Variants in XPNPEP1 observed in about 807,000 individuals in gnomAD.
The protein encoded by XPNPEP1 is xaa-Pro aminopeptidase 1.
Under a neutral mutation model 92.4 loss-of-function variants are expected in XPNPEP1, and 39 were observed. The observed-to-expected ratio is 0.42, with a 90% CI of 0.33 to 0.55. XPNPEP1 has a LOEUF of 0.55. Among genes scored for constraint, XPNPEP1 ranks in the 20% least tolerant of loss-of-function variants. The pLI is 0.08. For missense variants in XPNPEP1, 654 were observed against 856.1 expected (o/e 0.76, Z 2.95); for synonymous variants, 307 against 299.4 (o/e 1.03, Z -0.26).
intron 15 of XPNPEP1, among the ~76,000 whole-genome samples, chr10:109,873,988 G>C (rs905312793): frequency 1.3e-5 from 2 of 152,148 alleles, no homozygotes; most frequent in African/African-American, 2.4e-5. Context: ...GGAAAAGGGG[G>C]TAGTGACCGC....
At chr10:109,886,510 C>A (rs1047714691) in intron 7 of XPNPEP1, among the ~76,000 whole-genome samples, 169 bp from the exon 8 acceptor site, 3 of 152,218 alleles carry the variant, frequency 2.0e-5, no homozygotes, top group Non-Finnish European at 4.4e-5. Flanking sequence ...AGTGTCCAAG[C>A]CACTTGACTG....
intron 3 of XPNPEP1, among the ~76,000 whole-genome samples, chr10:109,899,147 T>A (rs1343676551): frequency 6.6e-6 from 1 of 152,060 alleles, no homozygotes; most frequent in Non-Finnish European, 1.5e-5. Context: ...CAAGTCAGGG[T>A]ATGTGGGAAA....
intron 7 of XPNPEP1, 114 bp from the exon 8 acceptor site, chr10:109,886,455 G>T (rs1231005601): frequency 4.2e-6 from 4 of 962,628 alleles, no homozygotes; most frequent in Non-Finnish European, 6.3e-6. Context: ...ACAGGAGCAC[G>T]CTACTTAAAC....
At chr10:109,915,497 ATT>A (rs896139284) in intron 1 of XPNPEP1, among the ~76,000 whole-genome samples, 2 of 151,010 alleles carry the variant, frequency 1.3e-5, no homozygotes, top group African/African-American at 4.9e-5. Flanking sequence ...GTAGGCCCTT[ATT>A]TTATAATTTC....
At chr10:109,884,538 C>G (rs1848286069) in intron 8 of XPNPEP1, 1 of 163,702 alleles carries the variant, frequency 6.1e-6, no homozygotes, top group Admixed American at 6.4e-5. Flanking sequence ...CACTCTCTCC[C>G]TTCTGAGGCA....
At chr10:109,868,162 C>T (rs752857087) in intron 20 of XPNPEP1, among the ~76,000 whole-genome samples, 6 of 152,068 alleles carry the variant, frequency 3.9e-5, no homozygotes, top group South Asian at 2.1e-4. Flanking sequence ...ACAGGACATA[C>T]GATAATAGAT....
At chr10:109,869,527 C>T (rs548573549) in intron 19 of XPNPEP1, among the ~76,000 whole-genome samples, 1 of 152,218 alleles carries the variant, frequency 6.6e-6, no homozygotes, top group East Asian at 1.9e-4. Flanking sequence ...TCCAGGCCCC[C>T]CACCCTGGAA....
intron 2 of XPNPEP1, among the ~76,000 whole-genome samples, chr10:109,911,570 T>G (rs1379684818): frequency 6.6e-6 from 1 of 152,188 alleles, no homozygotes; most frequent in Admixed American, 6.5e-5. Flanking sequence ...TCTAAAAATT[T>G]TACTCTGATA....
chr10:109,906,053 A>G (rs767688662), intron 3 of XPNPEP1, among the ~76,000 whole-genome samples: 3 of 152,170 alleles, frequency 2.0e-5, no homozygotes, highest in African/African-American at 4.8e-5. Context: ...CTCTGGGGAG[A>G]GGCAGGAAGT....
chr10:109,884,543 G>A (rs1356319861), intron 8 of XPNPEP1: 1 of 161,986 alleles, frequency 6.2e-6, no homozygotes, highest in Non-Finnish European at 1.3e-5. Flanking sequence ...TCTCCCTTCT[G>A]AGGCAGATGA....
intron 4 of XPNPEP1, among the ~76,000 whole-genome samples, chr10:109,892,292 CAGGA>C (rs1195334918): frequency 6.6e-6 from 1 of 152,168 alleles, no homozygotes; most frequent in Non-Finnish European, 1.5e-5. Flanking sequence ...TGGTCACTAG[CAGGA>C]AGCTTATGCC....
intron 2 of XPNPEP1, among the ~76,000 whole-genome samples, chr10:109,912,887 A>G (rs1849955803): frequency 6.6e-6 from 1 of 152,244 alleles, no homozygotes; most frequent in Non-Finnish European, 1.5e-5. Context: ...CAAATTCACA[A>G]CATTGGATCT....
At chr10:109,874,180 C>A (rs1403206202) in intron 15 of XPNPEP1, among the ~76,000 whole-genome samples, 1 of 152,278 alleles carries the variant, frequency 6.6e-6, no homozygotes, top group East Asian at 1.9e-4. Context: ...AGTGTGAATG[C>A]AGGGATGGCT....
Position 109,865,283 on chromosome 10 carries a change from G to C in XPNPEP1, c.1902C>G (p.Thr634=), listed in dbSNP as rs112546098. Residue 634 remains threonine, a synonymous_variant, in exon 21 of 21, where the codon ACC becomes ACG. Transcript: ENST00000502935. ...ECDWLNNYHL[T]CRDVIGKELQ... ...ATTCCTTCCCAATCACATCCCTGCA[G>C]GTCAGGTGGTAATTGTTGAGCCAGT... The C allele has an allele frequency of 3.4e-4, 552 of 1,614,154 alleles. 1 individual carries two copies. The African/African-American group carries it at 6.5e-3, about 19-fold the overall frequency.
At chr10:109,893,646 A>G (rs1848822811) in intron 3 of XPNPEP1, among the ~76,000 whole-genome samples, 1 of 152,244 alleles carries the variant, frequency 6.6e-6, no homozygotes, top group Non-Finnish European at 1.5e-5. Flanking sequence ...ATAAAATGTC[A>G]TGTCCAAAAC....
intron 2 of XPNPEP1, among the ~76,000 whole-genome samples, chr10:109,909,702 A>G (rs1172698118): frequency 2.0e-5 from 3 of 152,254 alleles, no homozygotes; most frequent in Admixed American, 2.0e-4. Context: ...GTGATCATGC[A>G]TATTTCACTA....
chr10:109,878,888 A>G (rs1459926422), intron 12 of XPNPEP1, among the ~76,000 whole-genome samples: 2 of 151,966 alleles, frequency 1.3e-5, no homozygotes, highest in South Asian at 2.1e-4. Context: ...AATAAGAAAA[A>G]AAAAAAGAAA....
chr10:109,907,605 T>G (rs1564787225), intron 3 of XPNPEP1, 86 bp downstream of exon 3: 4 of 1,576,408 alleles, frequency 2.5e-6, no homozygotes, highest in Non-Finnish European at 8.6e-7. Flanking sequence ...GCCCTGGTTG[T>G]GGGTTGACAA....
intron 5 of XPNPEP1, among the ~76,000 whole-genome samples, chr10:109,888,868 T>C (rs1247183379): frequency 6.6e-6 from 1 of 152,158 alleles, no homozygotes; most frequent in Middle Eastern, 3.2e-3. Flanking sequence ...CTTGTAAAAA[T>C]ATCTTGGGGA....
Sources: gnomAD v4.1 joint callset for allele counts (sites outside exome capture counted in the v4.1 genomes callset) on GRCh38, gnomAD v4.1.1 for gene constraint, MANE v1.5 for transcripts, NCBI Gene and HGNC (gene_info 2026-07-23, HGNC 2026-07-21) for gene names.